Variants in ZFHX3 observed in about 807,000 individuals in gnomAD.
ZFHX3 encodes the protein zinc finger homeobox protein 3.
A neutral mutation model predicts 279.1 loss-of-function variants in ZFHX3; 42 were observed. That is an observed-to-expected ratio of 0.15 (90% CI 0.12 to 0.19). ZFHX3 has a LOEUF of 0.19. Ranked by LOEUF, ZFHX3 falls within the 10% of genes least tolerant of loss-of-function variation. The pLI, the probability that ZFHX3 is intolerant of heterozygous loss-of-function variation, is 1.00. For synonymous variants in ZFHX3, 2,293 were observed against 1,957.8 expected (o/e 1.17, Z -4.52); for missense variants, 4,981 against 4,754.0 (o/e 1.05, Z -1.40).
chr16:73,439,587 A>G (rs1414435729), intron 3 of ZFHX3, among the ~76,000 whole-genome samples: 2 of 152,150 alleles, frequency 1.3e-5, no homozygotes, highest in African/African-American at 4.8e-5. Flanking sequence ...GACTGCAATT[A>G]TATAATTAGA....
chr16:72,999,842 A>G (rs1451443164), intron 1 of ZFHX3, among the ~76,000 whole-genome samples: 1 of 152,224 alleles, frequency 6.6e-6, no homozygotes, highest in Non-Finnish European at 1.5e-5. Context: ...CACCTGCCCT[A>G]TCTGGTGGAG....
At position 73,361,073 on chromosome 16, in the gene ZFHX3, G is replaced by A. The variant is rs564963091; in HGVS notation, c.-1290-42737C>T. Among the ~76,000 whole-genome samples the A allele has an allele frequency of 2.6e-5, 4 of 152,330 alleles. No homozygotes were observed. In the East Asian group the frequency reaches 5.8e-4, roughly 22 times the overall value. ...TGAGGATCTAGGAAAGCTCATCAAAGCCTGGAAAGTGTCAGCAAATGCCAC... is the reference window on the plus strand; with the variant it reads ...TGAGGATCTAGGAAAGCTCATCAAAACCTGGAAAGTGTCAGCAAATGCCAC... On this transcript the variant is annotated intron_variant, in intron 3 of 17. Coordinates refer to the ZFHX3 transcript ENST00000641206.
At chr16:73,749,836 T>A (rs1455653706) in intron 1 of ZFHX3, among the ~76,000 whole-genome samples, 1 of 152,216 alleles carries the variant, frequency 6.6e-6, no homozygotes, top group Non-Finnish European at 1.5e-5. Context: ...AAGGGCAGCC[T>A]TGGATGGCCC....
chr16:73,251,273 A>AAGTT (rs1166896525), intron 5 of ZFHX3, among the ~76,000 whole-genome samples: 1 of 152,196 alleles, frequency 6.6e-6, no homozygotes, highest in East Asian at 1.9e-4. Context: ...TACAGTCCCC[A>AAGTT]AGTTAGTCTC....
At chr16:73,048,862 T>A (rs943398911), upstream of ZFHX3, among the ~76,000 whole-genome samples, 8 of 152,092 alleles carry the variant, frequency 5.3e-5, no homozygotes, top group African/African-American at 1.7e-4. Flanking sequence ...AAAGGAGAGA[T>A]CACTAGAAAG....
chr16:73,045,617 G>A (rs1965264763), intron 1 of ZFHX3, among the ~76,000 whole-genome samples: 1 of 150,590 alleles, frequency 6.6e-6, no homozygotes, highest in Non-Finnish European at 1.5e-5. Flanking sequence ...GTTTCAGGTG[G>A]TTGGGGAAGC....
intron 1 of ZFHX3, among the ~76,000 whole-genome samples, chr16:73,770,068 G>A (rs1018810877): frequency 4.6e-5 from 7 of 152,188 alleles, no homozygotes; most frequent in Middle Eastern, 3.2e-3. Flanking sequence ...AATGTGTTAC[G>A]TTACATGGCA....
intron 4 of ZFHX3, among the ~76,000 whole-genome samples, chr16:72,830,743 T>C (rs2037042043): frequency 6.6e-6 from 1 of 152,210 alleles, no homozygotes; most frequent in Non-Finnish European, 1.5e-5. Flanking sequence ...GAGACACTTC[T>C]CTCTTGCTTT....
chr16:73,292,081 T>A (rs1047721357), intron 4 of ZFHX3, among the ~76,000 whole-genome samples: 1 of 152,220 alleles, frequency 6.6e-6, no homozygotes, highest in Non-Finnish European at 1.5e-5. Flanking sequence ...AAGTTCATTA[T>A]GTTACTTATC....
rs1302264428 is a variant in ZFHX3, at chr16:73,689,817, G to GTT, written c.-1607-9579_-1607-9578dup. Among the ~76,000 whole-genome samples the GTT allele has an allele frequency of 9.0e-4, 127 of 141,274 alleles. 2 individuals carry two copies. The highest frequency in any genetic ancestry group is 2.3e-3 in the African/African-American group (88 of 38,016). The allele number at this position is 141,274 out of a possible 152,430, so 92.7% of individuals were successfully genotyped here. A position where few individuals can be genotyped will look rare whatever the true frequency, so the allele number is the denominator to read the frequency against. On this transcript the variant is annotated intron_variant, in intron 1 of 17. Coordinates refer to the ZFHX3 transcript ENST00000641206. ...GAGGACATACAGTTTTTTGTTTTTT[G>GTT]TTTTTTTTGTTGTTGTTGTTTTTTT...
chr16:73,579,311 A>C (rs1471781010), intron 2 of ZFHX3, among the ~76,000 whole-genome samples: 1 of 152,108 alleles, frequency 6.6e-6, no homozygotes, highest in Non-Finnish European at 1.5e-5. Flanking sequence ...GTATAAACCC[A>C]GACGGTACTC....
chr16:73,593,260 C>G (rs1168869496), intron 2 of ZFHX3, among the ~76,000 whole-genome samples: 2 of 151,922 alleles, frequency 1.3e-5, no homozygotes, highest in African/African-American at 4.8e-5. Context: ...GAACAGTCTC[C>G]AACAGATTTC....
chr16:73,265,993 C>A (rs929835687), intron 4 of ZFHX3, among the ~76,000 whole-genome samples: 4 of 152,174 alleles, frequency 2.6e-5, no homozygotes, highest in Admixed American at 1.3e-4. Flanking sequence ...TTCTCCATTG[C>A]TAACAGAGAG....
rs1452711078 is a variant in ZFHX3 at position 72,794,465 on chromosome 16, C to G, written c.8217G>C (p.Lys2739Asn). 6.2e-7 allele frequency: 1 copy of G among 1,614,074 alleles called. No homozygotes were observed. The highest frequency in any genetic ancestry group is 1.7e-5 in the Admixed American group (1 of 60,004). The change falls in exon 9 of 10, where the codon AAG becomes AAC. Residue 2739 changes from lysine (K) to asparagine (N), a missense_variant. Around this residue, in one of 7 missense-constraint regions of ZFHX3, gnomAD observed 744 missense variants for 701.3 expected, o/e 1.06. Coordinates refer to ENST00000268489, the MANE Select transcript of ZFHX3 (RefSeq NM_006885.4). The surrounding 1 kb of genome is among the most constrained non-coding windows in gnomAD (Gnocchi z 4.2). ...ACAGAGTTAGGTTGTAGCCAGCTCT[C>G]TTGGCTTCATGCCAGTGACGGGACC... is the stretch of plus-strand genomic sequence containing the variant. ...HIRSRHWHEAKRAGYNLTLSA... is the reference protein window; with the variant it reads ...HIRSRHWHEANRAGYNLTLSA...
chr16:73,509,882 G>T (rs1465030464), intron 2 of ZFHX3, among the ~76,000 whole-genome samples: 1 of 152,070 alleles, frequency 6.6e-6, no homozygotes, highest in Non-Finnish European at 1.5e-5. Flanking sequence ...TTTTAGTAGA[G>T]ACGAGGTTTC....
chr16:73,855,096 T>G (rs1427903041), intron 1 of ZFHX3, among the ~76,000 whole-genome samples: 1 of 152,154 alleles, frequency 6.6e-6, no homozygotes, highest in Non-Finnish European at 1.5e-5. Flanking sequence ...GGACCTTACA[T>G]TTTTCTGAGA....
chr16:73,716,649 ACGCATG>A (rs758036037), intron 1 of ZFHX3, among the ~76,000 whole-genome samples: 3,611 of 52,268 alleles, frequency 0.069, 67 homozygotes, highest in East Asian at 0.27. Context: ...ACACACACAC[ACGCATG>A]CACGCACGCA....
chr16:73,106,347 C>T (rs1966304556), intron 7 of ZFHX3, among the ~76,000 whole-genome samples: 1 of 152,050 alleles, frequency 6.6e-6, no homozygotes, highest in Non-Finnish European at 1.5e-5. Flanking sequence ...CTTAAATGCC[C>T]ATGCTTTTTG....
intron 8 of ZFHX3, among the ~76,000 whole-genome samples, chr16:73,090,318 G>A (rs746372271): frequency 6.6e-6 from 1 of 152,100 alleles, no homozygotes; most frequent in Admixed American, 6.5e-5. Flanking sequence ...GCTTGAGCCT[G>A]GGAGGCGGAG....
Sources: gnomAD v4.1 joint callset for allele counts (sites outside exome capture counted in the v4.1 genomes callset) on GRCh38, gnomAD v4.1.1 for gene constraint, gnomAD v4.1.1 regional missense constraint, Gnocchi (gnomAD v3.1) non-coding constraint, MANE v1.5 for transcripts, NCBI Gene and HGNC (gene_info 2026-07-23, HGNC 2026-07-21) for gene names.